The following TMEM117 variants were observed in gnomAD, a reference collection of about 807,000 sequenced individuals.
TMEM117 encodes transmembrane protein 117.
TMEM117 carries 27 observed loss-of-function variants against 52.4 expected under a neutral mutation model. That is an observed-to-expected ratio of 0.51 (90% confidence interval 0.38 to 0.71). The LOEUF (loss-of-function observed/expected upper bound fraction) is 0.71. Ranked by LOEUF, TMEM117 falls within the 30% of genes least tolerant of loss-of-function variation. The pLI is 0.00. For synonymous variants in TMEM117, 215 were observed against 206.3 expected, an observed-to-expected ratio of 1.04 and a Z score of -0.36; for missense variants, 556 against 630.5, an observed-to-expected ratio of 0.88 and a Z score of 1.26.
chr12:43,866,919 C>T lies in TMEM117; in HGVS notation c.277+21991C>T, dbSNP rs186317852. On this transcript the variant is annotated intron_variant, in intron 2 of 7. Transcript: ENST00000266534. Reference sequence around the variant, plus strand: ...CAGCCTGACCAACATGGAGAAACACCGTCTCTACTAAAAATACAAAATTAG... The same window carrying T: ...CAGCCTGACCAACATGGAGAAACACTGTCTCTACTAAAAATACAAAATTAG... Among the ~76,000 whole-genome samples the T allele has an allele frequency of 1.2e-3, 185 of 152,060 alleles. 1 individual carries two copies. In the Middle Eastern group the frequency reaches 0.014, roughly 11 times the overall value.
At chr12:44,063,840 G>C (rs1947180516) in intron 3 of TMEM117, among the ~76,000 whole-genome samples, 1 of 152,126 alleles carries the variant, frequency 6.6e-6, no homozygotes, top group African/African-American at 2.4e-5. Flanking sequence ...ATGGCTCTGA[G>C]GGAGAGAAGT....
chr12:44,058,879 A>G (rs1279559135), intron 3 of TMEM117, among the ~76,000 whole-genome samples: 1 of 145,754 alleles, frequency 6.9e-6, no homozygotes, highest in Non-Finnish European at 1.5e-5. Context: ...AGTTTATTCA[A>G]AGGTATCTAT....
chr12:43,992,678 A>G (rs1945963728), intron 3 of TMEM117, among the ~76,000 whole-genome samples: 1 of 152,188 alleles, frequency 6.6e-6, no homozygotes, highest in Admixed American at 6.5e-5. Flanking sequence ...TCTCTCAGGT[A>G]TGCATGTGTC....
chr12:43,968,250 A>T (rs1945517753), intron 3 of TMEM117, among the ~76,000 whole-genome samples: 1 of 139,888 alleles, frequency 7.1e-6, no homozygotes, highest in Non-Finnish European at 1.6e-5. Flanking sequence ...TTCTAACAAC[A>T]TCCTTACCGT....
intron 3 of TMEM117, among the ~76,000 whole-genome samples, chr12:43,976,926 G>A (rs1393574362): frequency 6.6e-6 from 1 of 152,136 alleles, no homozygotes; most frequent in East Asian, 1.9e-4. Flanking sequence ...TAATCAAGGA[G>A]TGACATGTAG....
chr12:44,320,939 T>C (rs956495261), intron 6 of TMEM117, among the ~76,000 whole-genome samples: 2 of 152,226 alleles, frequency 1.3e-5, no homozygotes, highest in African/African-American at 4.8e-5. Context: ...CCTAAACTAG[T>C]TCCTTTCAGG....
chr12:44,130,458 T>A (rs1323342200), intron 3 of TMEM117, among the ~76,000 whole-genome samples: 2 of 152,204 alleles, frequency 1.3e-5, no homozygotes, highest in Non-Finnish European at 2.9e-5. Flanking sequence ...ACAACTTCTC[T>A]AACACCATAG....
chr12:43,887,647 G>T (rs1221553638), intron 2 of TMEM117, among the ~76,000 whole-genome samples: 1 of 152,138 alleles, frequency 6.6e-6, no homozygotes, highest in Non-Finnish European at 1.5e-5. Flanking sequence ...CAGCTCTGAT[G>T]CATCTCACTG....
At chr12:44,284,685 A>C (rs945868810) in intron 5 of TMEM117, among the ~76,000 whole-genome samples, 1 of 152,190 alleles carries the variant, frequency 6.6e-6, no homozygotes, top group African/African-American at 2.4e-5. Flanking sequence ...AACATTTTCC[A>C]CCTCAGGTCA....
At chr12:43,930,720 GT>G (rs1325539268) in intron 2 of TMEM117, among the ~76,000 whole-genome samples, 1 of 152,216 alleles carries the variant, frequency 6.6e-6, no homozygotes, top group Non-Finnish European at 1.5e-5. Context: ...CGTTGTTGCT[GT>G]TGGGAAGAAA....
At chr12:44,283,245 A>T (rs1333196781) in intron 5 of TMEM117, among the ~76,000 whole-genome samples, 2 of 152,084 alleles carry the variant, frequency 1.3e-5, no homozygotes, top group African/African-American at 4.8e-5. Context: ...TGCCTTGTAG[A>T]GCTGTGAGAA....
At chr12:44,072,018 A>G (rs529486764) in intron 3 of TMEM117, among the ~76,000 whole-genome samples, 166 of 152,346 alleles carry the variant, frequency 1.1e-3, no homozygotes, top group African/African-American at 3.7e-3. Context: ...TTTAATAGCC[A>G]GAATGGCACT....
At chr12:44,079,836 T>C (rs1463685053) in intron 3 of TMEM117, among the ~76,000 whole-genome samples, 3 of 151,650 alleles carry the variant, frequency 2.0e-5, no homozygotes, top group Non-Finnish European at 4.4e-5. Context: ...GCCAACGTGG[T>C]GAAACCTCAT....
chr12:44,190,229 A>G (rs1949333325), intron 4 of TMEM117, among the ~76,000 whole-genome samples: 1 of 152,214 alleles, frequency 6.6e-6, no homozygotes, highest in Non-Finnish European at 1.5e-5. Flanking sequence ...TTGGATTTGG[A>G]GAGTGGTTAA....
rs182256520 is a variant in TMEM117, at chr12:44,215,962, A to G, written c.608+4575A>G. Among the ~76,000 whole-genome samples the G allele has an allele frequency of 8.2e-4, 124 of 151,376 alleles. 1 individual carries two copies. The South Asian group carries it at 0.015, about 19-fold the overall frequency. On this transcript the variant is annotated intron_variant, in intron 5 of 7. Coordinates refer to ENST00000266534, the MANE Select transcript of TMEM117 (RefSeq NM_032256.3). ...TCTAGGTGGAAATATTTAATATTCA[A>G]TGAGATGCACTGAAAGGAGCTCCTT...
intron 3 of TMEM117, among the ~76,000 whole-genome samples, chr12:44,065,261 C>A (rs1043524338): frequency 1.3e-5 from 2 of 151,898 alleles, no homozygotes; most frequent in African/African-American, 4.8e-5. Context: ...CACCTGTAAT[C>A]CCAGCTGAGG....
At chr12:44,367,876 A>G (rs1278807728) in intron 6 of TMEM117, among the ~76,000 whole-genome samples, 2 of 152,124 alleles carry the variant, frequency 1.3e-5, no homozygotes, top group Non-Finnish European at 2.9e-5. Context: ...GATGCCTTCA[A>G]AATACACCTT....
intron 4 of TMEM117, among the ~76,000 whole-genome samples, chr12:44,199,952 T>C (rs1949472000): frequency 1.3e-5 from 2 of 152,006 alleles, no homozygotes; most frequent in South Asian, 4.1e-4. Context: ...ATCCCATCTC[T>C]ACTAAAAATA....
In TMEM117 at chr12:44,152,839, TATA is replaced by T. The variant is rs1207352066; in HGVS notation, c.510+9216_510+9218del. ...ATGAATATAATGTATATATTGTATT[TATA>T]TAAATACAATATATACATTATATTT... On this transcript the variant is annotated intron_variant, in intron 4 of 7. Transcript: ENST00000266534. Among the ~76,000 whole-genome samples, 43 of 144,716 alleles carry T rather than the reference TATA, an allele frequency of 3.0e-4. No homozygotes were observed. The East Asian group carries it at 5.6e-3, about 19-fold the overall frequency. The allele number at this position is 144,716 out of a possible 152,430, so 94.9% of individuals were successfully genotyped here.
Sources: gnomAD v4.1 joint callset for allele counts (sites outside exome capture counted in the v4.1 genomes callset) on GRCh38, gnomAD v4.1.1 for gene constraint, MANE v1.5 for transcripts, NCBI Gene and HGNC (gene_info 2026-07-23, HGNC 2026-07-21) for gene names.